STARD13: variants seen among roughly 807,000 people sequenced by gnomAD.
The protein encoded by STARD13 is stAR-related lipid transfer protein 13.
Under a neutral mutation model 106.4 loss-of-function variants are expected in STARD13, and 62 were observed. The observed-to-expected ratio is 0.58, with a 90% confidence interval of 0.48 to 0.72. The LOEUF (loss-of-function observed/expected upper bound fraction) is 0.72. Among genes scored for constraint, STARD13 ranks in the 30% least tolerant of loss-of-function variants. STARD13 has a pLI of 0.00. For missense variants in STARD13, 1,387 were observed against 1,424.0 expected (o/e 0.97, Z 0.42); for synonymous variants, 565 against 553.0 (o/e 1.02, Z -0.31).
At chr13:33,270,805 T>G (rs1449192684) in intron 1 of STARD13, among the ~76,000 whole-genome samples, 1 of 152,190 alleles carries the variant, frequency 6.6e-6, no homozygotes, top group Non-Finnish European at 1.5e-5. Flanking sequence ...GGTTGTCTTA[T>G]CCATAGTTTA....
In STARD13 at chr13:33,126,116, C is replaced by T. The variant is rs1488763352; in HGVS notation, c.2047G>A (p.Ala683Thr). The change falls in exon 7 of 14, where the codon GCA becomes ACA. Residue 683 changes from alanine to threonine, a missense_variant. By Grantham distance (58) the Ala-to-Thr change is moderately conservative. Transcript: ENST00000336934. ...GQPLPQSIQQALRYLRSNCLD... is the reference protein window; with the variant it reads ...GQPLPQSIQQTLRYLRSNCLD... ...CAGTTGCTGCGTAGATATCTCAGTGCTTGCTGAATACTTTGAGGCAGGGGC... is the reference window on the plus strand; with the variant it reads ...CAGTTGCTGCGTAGATATCTCAGTGTTTGCTGAATACTTTGAGGCAGGGGC... 6.2e-7 allele frequency: 1 copy of T among 1,614,192 alleles called. No homozygotes were observed. The highest frequency in any genetic ancestry group is 2.2e-5 in the East Asian group (1 of 44,882).
At chr13:33,515,315 T>A in the STARD13 span, among the ~76,000 whole-genome samples, 17 of 152,162 alleles carry the variant, frequency 1.1e-4, no homozygotes, top group Non-Finnish European at 2.1e-4. Flanking sequence ...TGCTGCCAAA[T>A]AATTCAGCTG....
chr13:33,234,780 T>G (rs1889102906), intron 1 of STARD13, among the ~76,000 whole-genome samples: 1 of 152,260 alleles, frequency 6.6e-6, no homozygotes, highest in Non-Finnish European at 1.5e-5. Context: ...GTTTAATTAG[T>G]TATGACTTTA....
the STARD13 span, among the ~76,000 whole-genome samples, chr13:33,499,576 CTTCTTCTTCTTCTTCTTCTTCTTCTTCT>C: frequency 1.0e-4 from 7 of 68,936 alleles, no homozygotes; most frequent in South Asian, 5.7e-4. Flanking sequence ...TCTTCTTCTT[CTTCTTCTTCTTCTTCTTCTTCTTCTTCT>C]TTCTTCTTCT....
the STARD13 span, among the ~76,000 whole-genome samples, chr13:33,465,944 ATGATG>A: frequency 6.6e-6 from 1 of 152,178 alleles, no homozygotes; most frequent in Non-Finnish European, 1.5e-5. Context: ...ATATAATAAT[ATGATG>A]TGATGGGACT....
At chr13:33,207,710 C>A (rs1887496188) in intron 1 of STARD13, among the ~76,000 whole-genome samples, 1 of 152,230 alleles carries the variant, frequency 6.6e-6, no homozygotes, top group African/African-American at 2.4e-5. Context: ...ACCAGGATGT[C>A]TGTAAACATC....
chr13:33,407,026 A>T, the STARD13 span, among the ~76,000 whole-genome samples: 26 of 152,216 alleles, frequency 1.7e-4, no homozygotes, highest in Admixed American at 9.2e-4. Flanking sequence ...CTGGCAGTTA[A>T]AGTGAGCGGA....
chr13:33,532,880 A>C, the STARD13 span, among the ~76,000 whole-genome samples: 1 of 152,132 alleles, frequency 6.6e-6, no homozygotes, highest in East Asian at 1.9e-4. Flanking sequence ...TGGGTCAAGG[A>C]AGTACAAGTG....
intron 1 of STARD13, among the ~76,000 whole-genome samples, chr13:33,234,070 G>A (rs988318584): frequency 2.0e-5 from 3 of 152,222 alleles, no homozygotes; most frequent in Admixed American, 6.5e-5. Context: ...GATCATATCT[G>A]TGTACATATG....
chr13:33,248,704 G>A (rs562321773), intron 1 of STARD13, among the ~76,000 whole-genome samples: 26 of 151,836 alleles, frequency 1.7e-4, no homozygotes, highest in African/African-American at 6.3e-4. Context: ...CCCATATTTT[G>A]ATTTTTCTTC....
chr13:33,659,171 C>T, the STARD13 span, among the ~76,000 whole-genome samples: 1 of 150,752 alleles, frequency 6.6e-6, no homozygotes, highest in Admixed American at 6.6e-5. Context: ...ATGTGAACTC[C>T]AATTTATAGC....
At chr13:33,491,404 G>A in the STARD13 span, among the ~76,000 whole-genome samples, 1 of 152,156 alleles carries the variant, frequency 6.6e-6, no homozygotes, top group South Asian at 2.1e-4. Context: ...AGGAGAGAAC[G>A]TGTTCTAATC....
In STARD13 at chr13:33,180,878, C is replaced by G. The variant is rs529432319; in HGVS notation, c.170-13256G>C. 1.6e-4 allele frequency among the ~76,000 whole-genome samples: 24 copies of G among 152,258 alleles called. 1 individual carries two copies. Among genetic ancestry groups the G allele is most frequent in the African/African-American group, 5.8e-4 (24 of 41,558 alleles). On this transcript the variant is annotated intron_variant, in intron 1 of 13. Coordinates refer to ENST00000336934, the MANE Select transcript of STARD13 (RefSeq NM_178006.4). ...AAAATTTAGAAATCCGTCCTTGAAA[C>G]TTTTGCTTCTCTAAAATAAGGAACA... is the stretch of plus-strand genomic sequence containing the variant.
rs140304726 is a variant in STARD13 at position 33,110,067 on chromosome 13, C to T, written c.2853G>A (p.Lys951=). 1 of 1,614,102 alleles carries T rather than the reference C, an allele frequency of 6.2e-7. No homozygotes were observed. Among genetic ancestry groups the T allele is most frequent in the African/African-American group, 1.3e-5 (1 of 74,940 alleles). ...CCACCTCCACAGAAGCCTTCCACAG[C>T]TTCAGCGGGTTCCCGTCGCCCACCT... ...FKKVGDGNPL[K]LWKASVEVEA... is the part of the protein sequence containing the mutation. The change falls in exon 12 of 14, where the codon AAG becomes AAA. Residue 951 remains lysine, a synonymous_variant. Coordinates refer to ENST00000336934, the MANE Select transcript of STARD13 (RefSeq NM_178006.4).
At chr13:33,118,666 G>A (rs1299434365) in intron 7 of STARD13, among the ~76,000 whole-genome samples, 1 of 152,150 alleles carries the variant, frequency 6.6e-6, no homozygotes, top group East Asian at 1.9e-4. Flanking sequence ...GCCCTTTAGG[G>A]TTTACATTGC....
chr13:33,178,265 T>C (rs910605396), intron 1 of STARD13, among the ~76,000 whole-genome samples: 14 of 152,236 alleles, frequency 9.2e-5, no homozygotes, highest in Non-Finnish European at 1.9e-4. Context: ...TCAAACATTC[T>C]AGGTGGCTTG....
intron 4 of STARD13, among the ~76,000 whole-genome samples, chr13:33,141,237 G>A (rs1879786376): frequency 6.6e-6 from 1 of 152,204 alleles, no homozygotes; most frequent in Admixed American, 6.5e-5. Flanking sequence ...TTGGCTAGGA[G>A]CCTTGGTTTT....
the STARD13 span, among the ~76,000 whole-genome samples, chr13:33,541,352 T>C: frequency 6.6e-6 from 1 of 152,226 alleles, no homozygotes; most frequent in Non-Finnish European, 1.5e-5. Context: ...ACGTGTTTTC[T>C]AGTATCTTCC....
chr13:33,548,304 A>G, the STARD13 span, among the ~76,000 whole-genome samples: 1 of 152,202 alleles, frequency 6.6e-6, no homozygotes, highest in Non-Finnish European at 1.5e-5. Flanking sequence ...GTTCCTCTTC[A>G]GTCTTCTAAC....
Sources: allele counts gnomAD v4.1 joint callset (sites outside exome capture counted in the v4.1 genomes callset), GRCh38; gene constraint gnomAD v4.1.1; transcripts MANE v1.5; gene names NCBI Gene and HGNC (gene_info 2026-07-23, HGNC 2026-07-21).